The following TUSC3 variants were observed in gnomAD, a reference collection of about 807,000 sequenced individuals.
TUSC3 encodes tumor suppressor candidate 3, also known as dolichyl-diphosphooligosaccharide--protein glycosyltransferase subunit TUSC3.
TUSC3 carries 45 observed loss-of-function variants against 44.8 expected under a neutral mutation model. That is an observed-to-expected ratio of 1.00 (90% CI 0.79 to 1.29). The LOEUF (loss-of-function observed/expected upper bound fraction) is 1.29. Ranked by LOEUF, TUSC3 falls within the 50% of genes most tolerant of loss-of-function variation. TUSC3 has a pLI of 0.00. For missense variants in TUSC3, 519 were observed against 437.9 expected (o/e 1.19, Z -1.65); for synonymous variants, 212 against 152.9 (o/e 1.39, Z -2.85).
chr8:15,680,613 T>G (rs574473137), intron 6 of TUSC3, among the ~76,000 whole-genome samples: 1 of 152,276 alleles, frequency 6.6e-6, no homozygotes, highest in South Asian at 2.1e-4. Flanking sequence ...TCATGAAGAC[T>G]TCCAGTACTA....
At chr8:15,434,630 A>G (rs1307507739) in intron 1 of TUSC3, among the ~76,000 whole-genome samples, 2 of 149,654 alleles carry the variant, frequency 1.3e-5, no homozygotes, top group African/African-American at 2.5e-5. Flanking sequence ...TGCTGCACCC[A>G]TTAACTCGTC....
intron 1 of TUSC3, among the ~76,000 whole-genome samples, chr8:15,427,075 G>GTTTTTTTTTTTTTTTTTTT (rs367932724): frequency 1.4e-5 from 2 of 145,958 alleles, no homozygotes; most frequent in Non-Finnish European, 1.5e-5. Flanking sequence ...GTTGTTTGGT[G>GTTTTTTTTTTTTTTTTTTT]TTTGTTTTTT....
In TUSC3 at chr8:15,423,969, GTTTTTTTTTTTTTTTTTTTT is replaced by G. The variant is rs112397215; in HGVS notation, n.91+6683_91+6702del. ...TACAGCATTCATACTGTTTTGCTTT[GTTTTTTTTTTTTTTTTTTTT>G]TTTTTTTTTTTTTTTTTTGAGAAGG... On this transcript the variant is annotated intron_variant and non_coding_transcript_variant, in intron 1 of 5. Coordinates refer to the TUSC3 transcript ENST00000503191. Among the ~76,000 whole-genome samples, 244 of 70,380 alleles carry G rather than the reference GTTTTTTTTTTTTTTTTTTTT, an allele frequency of 3.5e-3. 6 individuals carry two copies. The East Asian group carries it at 0.058, about 17-fold the overall frequency. The allele number at this position is 70,380 out of a possible 152,430, so 46.2% of individuals were successfully genotyped here. A position where few individuals can be genotyped will look rare whatever the true frequency, so the allele number is the denominator to read the frequency against.
chr8:15,470,822 A>G (rs1360562156), intron 1 of TUSC3, among the ~76,000 whole-genome samples: 1 of 152,106 alleles, frequency 6.6e-6, no homozygotes, highest in Non-Finnish European at 1.5e-5. Flanking sequence ...CTGTGTCTAC[A>G]TGGTCCCAGT....
chr8:15,810,366 G>C, the TUSC3 span, among the ~76,000 whole-genome samples: 1 of 152,164 alleles, frequency 6.6e-6, no homozygotes, highest in Non-Finnish European at 1.5e-5. Context: ...GGCCAGGAAT[G>C]GTGGCGTATG....
At chr8:15,474,391 G>T (rs114477063) in intron 1 of TUSC3, among the ~76,000 whole-genome samples, 2,340 of 152,242 alleles carry the variant, frequency 0.015, 67 homozygotes, top group African/African-American at 0.053. Flanking sequence ...TAAGACAGGT[G>T]TAAGAAATTA....
intron 1 of TUSC3, among the ~76,000 whole-genome samples, chr8:15,545,095 A>G (rs968981637): frequency 2.0e-5 from 3 of 151,758 alleles, no homozygotes; most frequent in African/African-American, 7.2e-5. Flanking sequence ...AAACAAGGAA[A>G]TTAAAATTCA....
intron 1 of TUSC3, among the ~76,000 whole-genome samples, chr8:15,573,122 G>A (rs1802940346): frequency 7.0e-6 from 1 of 142,008 alleles, no homozygotes; most frequent in Non-Finnish European, 1.5e-5. Context: ...ACAATAAAAG[G>A]AAGTATGTTT....
At chr8:15,479,232 T>A (rs376551455) in intron 1 of TUSC3, among the ~76,000 whole-genome samples, 1 of 152,160 alleles carries the variant, frequency 6.6e-6, no homozygotes, top group Admixed American at 6.5e-5. Flanking sequence ...ATTCTGTAGG[T>A]TGTCTGTTTA....
chr8:15,490,826 G>A (rs1170928588), intron 2 of TUSC3, among the ~76,000 whole-genome samples: 1 of 152,162 alleles, frequency 6.6e-6, no homozygotes, highest in African/African-American at 2.4e-5. Context: ...GATTTGTGTT[G>A]TAAATCAAAG....
the TUSC3 span, among the ~76,000 whole-genome samples, chr8:15,835,430 A>G: frequency 1.3e-5 from 2 of 151,540 alleles, no homozygotes; most frequent in Non-Finnish European, 2.9e-5. Flanking sequence ...TCTCTTTTCT[A>G]TTTCATTGAT....
At chr8:15,513,613 A>C (rs778802507) in intron 2 of TUSC3, among the ~76,000 whole-genome samples, 11 of 152,146 alleles carry the variant, frequency 7.2e-5, no homozygotes, top group Non-Finnish European at 1.5e-4. Context: ...CGGTAGATTT[A>C]ATGGTGGTCA....
the TUSC3 span, among the ~76,000 whole-genome samples, chr8:15,842,294 C>T: frequency 5.3e-5 from 8 of 152,160 alleles, no homozygotes; most frequent in Non-Finnish European, 1.2e-4. Context: ...GTTGACTGGT[C>T]ACTTAGCAGT....
At chr8:15,432,312 A>G (rs1799882443) in intron 1 of TUSC3, among the ~76,000 whole-genome samples, 1 of 151,856 alleles carries the variant, frequency 6.6e-6, no homozygotes, top group Non-Finnish European at 1.5e-5. Flanking sequence ...ATCTGTGTAT[A>G]TTTTCCATGT....
chr8:15,845,932 G>A, the TUSC3 span, among the ~76,000 whole-genome samples: 1 of 152,132 alleles, frequency 6.6e-6, no homozygotes, highest in Admixed American at 6.6e-5. Flanking sequence ...CCATATGGCT[G>A]GGGAGGCCTC....
At chr8:15,459,076 T>C (rs1292606993) in intron 1 of TUSC3, among the ~76,000 whole-genome samples, 1 of 152,200 alleles carries the variant, frequency 6.6e-6, no homozygotes, top group African/African-American at 2.4e-5. Flanking sequence ...CTTTAGCAGT[T>C]AAAGTATCTA....
Position 15,637,106 on chromosome 8 carries a change from C to G in TUSC3, c.309-13591C>G, listed in dbSNP as rs1009501594. On this transcript the variant is annotated intron_variant, in intron 2 of 10. Coordinates refer to ENST00000503731, the MANE Select transcript of TUSC3 (RefSeq NM_006765.4). The stretch of plus-strand genomic sequence containing the variant: ...GAACTCTTCAATATGTATATAGGGA[C>G]TTTATTTTTAGAAATGTTATTATAT... Among the ~76,000 whole-genome samples, 4 of 152,112 alleles carry G rather than the reference C, an allele frequency of 2.6e-5. No individual in the cohort carries two copies. The East Asian group carries it at 7.7e-4, about 29-fold the overall frequency.
At chr8:15,448,131 A>ATATATATT (rs1563253394) in intron 1 of TUSC3, among the ~76,000 whole-genome samples, 4 of 144,074 alleles carry the variant, frequency 2.8e-5, no homozygotes, top group African/African-American at 1.1e-4. Context: ...TTATTTATTT[A>ATATATATT]TTTTTTAGAT....
chr8:15,549,082 T>C (rs924869633), intron 1 of TUSC3, among the ~76,000 whole-genome samples: 3 of 152,000 alleles, frequency 2.0e-5, no homozygotes, highest in Admixed American at 2.0e-4. Context: ...AAATTGTTAG[T>C]CCAAGGAATG....
Sources: gnomAD v4.1 joint callset for allele counts (sites outside exome capture counted in the v4.1 genomes callset) on GRCh38, gnomAD v4.1.1 for gene constraint, MANE v1.5 for transcripts, NCBI Gene and HGNC (gene_info 2026-07-23, HGNC 2026-07-21) for gene names.